Variants in NEURL1 observed in about 807,000 individuals in gnomAD.
The protein encoded by NEURL1 is neuralized E3 ubiquitin protein ligase 1.
In NEURL1, 26 loss-of-function variants were observed where a neutral mutation model predicts 41.2. The observed-to-expected ratio is 0.63, with a 90% CI of 0.46 to 0.87. NEURL1 has a LOEUF of 0.87. Among genes scored for constraint, NEURL1 ranks in the 40% least tolerant of loss-of-function variants. NEURL1 has a pLI of 0.00. For synonymous variants in NEURL1, 400 were observed against 402.3 expected (o/e 0.99, Z 0.07); for missense variants, 761 against 871.1 (o/e 0.87, Z 1.59).
At chr10:103,520,260 A>C (rs1165441108) in intron 1 of NEURL1, among the ~76,000 whole-genome samples, 1 of 152,210 alleles carries the variant, frequency 6.6e-6, no homozygotes, top group African/African-American at 2.4e-5. Context: ...GTGAGCAATA[A>C]AGCTGTATAT....
intron 1 of NEURL1, among the ~76,000 whole-genome samples, chr10:103,503,602 G>A (rs950154399): frequency 1.3e-5 from 2 of 152,100 alleles, no homozygotes; most frequent in Non-Finnish European, 2.9e-5. Flanking sequence ...GCCATCAGCC[G>A]TGGGCTAGAC....
intron 1 of NEURL1, among the ~76,000 whole-genome samples, chr10:103,496,157 T>C (rs1485574294): frequency 6.6e-6 from 1 of 151,950 alleles, no homozygotes; most frequent in Admixed American, 6.6e-5. Flanking sequence ...AATTCTACCT[T>C]GAGGAATTGA....
chr10:103,578,171 T>C (rs570386387), intron 3 of NEURL1, among the ~76,000 whole-genome samples: 2 of 152,330 alleles, frequency 1.3e-5, no homozygotes, highest in Admixed American at 1.3e-4. Context: ...TTCAGCCTCC[T>C]CATTATTTGG....
In NEURL1 at chr10:103,558,503, C is replaced by CTGTG. The variant is rs3068767; in HGVS notation, c.86-12327_86-12324dup. On this transcript the variant is annotated intron_variant, in intron 1 of 5. Transcript: ENST00000369780. The surrounding 1 kb of genome is among the most constrained non-coding windows in gnomAD (Gnocchi z 4.2). ...GTGGTACTCTGTGCCTGTGCCATGCCTGTGTGTGTGTGTGTGTGTGTGTGT... is the reference window on the plus strand; with the variant it reads ...GTGGTACTCTGTGCCTGTGCCATGCCTGTGTGTGTGTGTGTGTGTGTGTGTGTGT... Among the ~76,000 whole-genome samples the CTGTG allele has an allele frequency of 0.028, 3,734 of 131,928 alleles. 162 individuals are homozygous for CTGTG. Among genetic ancestry groups the CTGTG allele is most frequent in the African/African-American group, 0.089 (3,044 of 34,170 alleles). The allele number at this position is 131,928 out of a possible 152,430, so 86.5% of individuals were successfully genotyped here.
In NEURL1 at chr10:103,592,220, T is replaced by G. The variant is rs930082692; in HGVS notation, c.*1848T>G. The G allele has an allele frequency of 6.6e-6, 1 of 152,284 alleles. No homozygotes were observed. The highest frequency in any genetic ancestry group is 2.4e-5 in the African/African-American group (1 of 41,444). The allele number at this position is 152,284 out of a possible 1,614,324, so 9.4% of individuals were successfully genotyped here. ...TCGGGAGAGAGGGGCAGGCTTTCTG[T>G]GTGACTCGGGAGTTCTTCCGTGAGG... On this transcript the variant is annotated 3_prime_UTR_variant, in exon 6 of 6. Transcript: ENST00000369780. This position sits in a 1 kb window ranked among gnomAD's most constrained non-coding sequence, Gnocchi z 4.8.
At chr10:103,509,912 C>T (rs1247968943) in intron 1 of NEURL1, among the ~76,000 whole-genome samples, 1 of 152,086 alleles carries the variant, frequency 6.6e-6, no homozygotes, top group African/African-American at 2.4e-5. Context: ...TTTCAGGGTC[C>T]AGGATTTGTG....
chr10:103,570,187 G>C lies in NEURL1; in HGVS notation c.86-685G>C, dbSNP rs1479073553. ...ATTCTTCACGGTTCTGTTTCCCCAC[G>C]ATGACAGGATGGGCGGGCTCTACTT... On this transcript the variant is annotated intron_variant, in intron 1 of 5. Transcript: ENST00000369780. Among the ~76,000 whole-genome samples the C allele has an allele frequency of 2.0e-5, 3 of 152,146 alleles. No individual in the cohort carries two copies. In the East Asian group the frequency reaches 5.8e-4, roughly 29 times the overall value.
chr10:103,515,353 C>A (rs2034180657), intron 1 of NEURL1: 1 of 151,476 alleles, frequency 6.6e-6, no homozygotes, highest in Non-Finnish European at 1.5e-5. Flanking sequence ...ATTCTTTTCA[C>A]AGGAAACGCA....
intron 1 of NEURL1, among the ~76,000 whole-genome samples, chr10:103,538,550 G>A (rs2034746870): frequency 6.6e-6 from 1 of 151,592 alleles, no homozygotes; most frequent in Non-Finnish European, 1.5e-5. Flanking sequence ...CAGCCTGAAA[G>A]ACAGAGTGAG....
rs536109096 is a variant in NEURL1 at position 103,537,125 on chromosome 10, C to G, written c.86-33747C>G. On this transcript the variant is annotated intron_variant, in intron 1 of 5. Coordinates refer to ENST00000369780, the MANE Select transcript of NEURL1 (RefSeq NM_004210.5). ...TTCCTTTCTAAGGTTGAATTATATT[C>G]CATTGTATGTATGTGCCACATTTTG... 1.2e-4 allele frequency among the ~76,000 whole-genome samples: 19 copies of G among 152,274 alleles called. No individual in the cohort carries two copies. The South Asian group carries it at 1.7e-3, about 13-fold the overall frequency.
At chr10:103,544,364 TG>T (rs1296838300) in intron 1 of NEURL1, among the ~76,000 whole-genome samples, 2 of 152,178 alleles carry the variant, frequency 1.3e-5, no homozygotes, top group African/African-American at 4.8e-5. Context: ...TGGCCCATCC[TG>T]GGTTTCCCAC....
Position 103,585,145 on chromosome 10 carries a change from T to G in NEURL1, c.1259T>G (p.Met420Arg), listed in dbSNP as rs1248170773. The G allele has an allele frequency of 6.3e-7, 1 of 1,592,678 alleles. No individual in the cohort carries two copies. Among genetic ancestry groups the G allele is most frequent in the South Asian group, 1.1e-5 (1 of 89,524 alleles). The change falls in exon 4 of 6, where the codon ATG becomes AGG. Residue 420 changes from methionine to arginine, a missense_variant. By Grantham distance (91) the Met-to-Arg change is moderately conservative. Transcript: ENST00000369780. ...HLSHNGAAAG[M>R]QLCVDASQPL... ...AGCCACAATGGCGCGGCCGCCGGCATGCAGCTGTGCGTGGACGCCTCGCAG... is the reference window on the plus strand; with the variant it reads ...AGCCACAATGGCGCGGCCGCCGGCAGGCAGCTGTGCGTGGACGCCTCGCAG...
At chr10:103,529,515 C>A (rs1161818787) in intron 1 of NEURL1, among the ~76,000 whole-genome samples, 1 of 152,182 alleles carries the variant, frequency 6.6e-6, no homozygotes, top group African/African-American at 2.4e-5. Flanking sequence ...TTAAAGGAAT[C>A]TGTTTATATC....
At chr10:103,506,895 C>T (rs2133847261) in intron 1 of NEURL1, among the ~76,000 whole-genome samples, 1 of 152,292 alleles carries the variant, frequency 6.6e-6, no homozygotes, top group Non-Finnish European at 1.5e-5. Context: ...TTGCCCTGCT[C>T]TTTCCAGCTA....
intron 1 of NEURL1, among the ~76,000 whole-genome samples, chr10:103,543,994 C>A (rs1437862278): frequency 6.6e-6 from 1 of 152,150 alleles, no homozygotes; most frequent in Non-Finnish European, 1.5e-5. Flanking sequence ...CTTGAATAAT[C>A]CCCAAAGTGG....
Position 103,590,530 on chromosome 10 carries a change from G to A in NEURL1, c.*158G>A. 3.1e-6 allele frequency: 2 copies of A among 635,176 alleles called. No individual in the cohort carries two copies. The highest frequency in any genetic ancestry group is 5.5e-6 in the Non-Finnish European group (2 of 364,140). The allele number at this position is 635,176 out of a possible 1,614,324, so 39.3% of individuals were successfully genotyped here. ...TGAAGCCCTTGAAGGTTTGGGGAGAGGGGGGTATCAGGCAGGGAGGGGGCA... is the reference window on the plus strand; with the variant it reads ...TGAAGCCCTTGAAGGTTTGGGGAGAAGGGGGTATCAGGCAGGGAGGGGGCA... On this transcript the variant is annotated 3_prime_UTR_variant, in exon 6 of 6. Coordinates refer to ENST00000369780, the MANE Select transcript of NEURL1 (RefSeq NM_004210.5).
chr10:103,555,451 A>C (rs2035130942), intron 1 of NEURL1: 1 of 1,341,856 alleles, frequency 7.5e-7, no homozygotes, highest in Non-Finnish European at 9.9e-7. Context: ...CGCCCACCCC[A>C]GCCCGAGACC....
Position 103,590,320 on chromosome 10 carries a change from C to T in NEURL1, c.1673C>T (p.Pro558Leu). The T allele has an allele frequency of 6.2e-7, 1 of 1,614,154 alleles. No individual in the cohort carries two copies. The highest frequency in any genetic ancestry group is 8.5e-7 in the Non-Finnish European group (1 of 1,180,030). ...AAGAAGGCTCTGCACGCCTGCTGCC[C>T]CATCTGCCGCCGCCCCATCAAGGAC... Reference protein sequence around the residue: ...RLKKALHACCPICRRPIKDII... With the variant: ...RLKKALHACCLICRRPIKDII... The change falls in exon 6 of 6, where the codon CCC (proline) becomes CTC (leucine). Residue 558 changes from proline to leucine, a missense_variant. Coordinates refer to ENST00000369780, the MANE Select transcript of NEURL1 (RefSeq NM_004210.5).
At position 103,554,515 on chromosome 10, in the gene NEURL1, A is replaced by G. The variant is rs76175505; in HGVS notation, c.86-16357A>G. The stretch of plus-strand genomic sequence containing the variant: ...AAAGGGATAGGTTGGTGTGGGGGGG[A>G]AAAGCCTGGATTCTGGTGCTGCACT... On this transcript the variant is annotated intron_variant, in intron 1 of 5. Coordinates refer to ENST00000369780, the MANE Select transcript of NEURL1 (RefSeq NM_004210.5). 5.9e-3 allele frequency among the ~76,000 whole-genome samples: 890 copies of G among 151,896 alleles called. 7 individuals are homozygous for G. The highest frequency in any genetic ancestry group is 0.02 in the African/African-American group (842 of 41,386).
Sources: gnomAD v4.1 joint callset for allele counts (sites outside exome capture counted in the v4.1 genomes callset) on GRCh38, gnomAD v4.1.1 for gene constraint, Gnocchi (gnomAD v3.1) non-coding constraint, MANE v1.5 for transcripts, NCBI Gene and HGNC (gene_info 2026-07-23, HGNC 2026-07-21) for gene names.